TAFA1: variants seen among roughly 807,000 people sequenced by gnomAD.
TAFA1 encodes the protein chemokine-like protein TAFA-1.
TAFA1 carries 4 observed loss-of-function variants against 18.5 expected under a neutral mutation model. That is an observed-to-expected ratio of 0.22 (90% CI 0.11 to 0.49). TAFA1 has a LOEUF of 0.49. Among genes scored for constraint, TAFA1 ranks in the 20% least tolerant of loss-of-function variants. The pLI, the probability that TAFA1 is intolerant of heterozygous loss-of-function variation, is 0.98. For missense variants in TAFA1, 147 were observed against 169.0 expected, an observed-to-expected ratio of 0.87 and a Z score of 0.72; for synonymous variants, 56 against 55.2, an observed-to-expected ratio of 1.01 and a Z score of -0.06.
intron 3 of TAFA1, among the ~76,000 whole-genome samples, chr3:68,431,761 A>G (rs1195830116): frequency 6.6e-6 from 1 of 152,008 alleles, no homozygotes; most frequent in East Asian, 1.9e-4. Context: ...TGAGTCGCAG[A>G]CAAAACTCCT....
upstream of TAFA1, among the ~76,000 whole-genome samples, chr3:68,000,486 A>G (rs1471840451): frequency 6.6e-6 from 1 of 152,232 alleles, no homozygotes; most frequent in African/African-American, 2.4e-5. Flanking sequence ...AGAGCCTAGT[A>G]GAAGCCAAGA....
In TAFA1 at chr3:68,080,398, C is replaced by A. The variant is rs138628535; in HGVS notation, c.118+73654C>A. Among the ~76,000 whole-genome samples the A allele has an allele frequency of 4.1e-3, 629 of 152,010 alleles. 17 individuals carry two copies. In the East Asian group the frequency reaches 0.059, roughly 14 times the overall value. The stretch of plus-strand genomic sequence containing the variant: ...TTTTGCTCGTTAGTTGATGCAGTTT[C>A]TTCCTAGTCTCGATGGTCTTTACAT... On this transcript the variant is annotated intron_variant, in intron 2 of 4. Coordinates refer to ENST00000478136, the MANE Select transcript of TAFA1 (RefSeq NM_213609.4).
At chr3:68,265,500 A>G (rs530233861) in intron 2 of TAFA1, among the ~76,000 whole-genome samples, 83 of 152,224 alleles carry the variant, frequency 5.5e-4, no homozygotes, top group Non-Finnish European at 9.6e-4. Flanking sequence ...CACACTTGAC[A>G]TTCCTGGTGG....
the TAFA1 span, among the ~76,000 whole-genome samples, chr3:67,991,882 T>C: frequency 6.6e-6 from 1 of 152,346 alleles, no homozygotes; most frequent in East Asian, 1.9e-4. Flanking sequence ...ATCATCTATC[T>C]ATATCTATAA....
chr3:68,193,140 A>T (rs1269650748), intron 2 of TAFA1, among the ~76,000 whole-genome samples: 1 of 151,738 alleles, frequency 6.6e-6, no homozygotes, highest in African/African-American at 2.4e-5. Context: ...TTCCTAAATA[A>T]AAAATAAGCT....
intron 2 of TAFA1, among the ~76,000 whole-genome samples, chr3:68,304,466 A>G (rs79774228): frequency 4.7e-4 from 71 of 152,232 alleles, no homozygotes; most frequent in African/African-American, 1.5e-3. Context: ...GAGGGGTGTG[A>G]TTTGAATCTG....
In TAFA1 at chr3:68,273,658, C is replaced by G. The variant is rs567434215; in HGVS notation, c.119-143622C>G. Among the ~76,000 whole-genome samples the G allele has an allele frequency of 1.6e-4, 25 of 152,208 alleles. 1 individual carries two copies. In the South Asian group the frequency reaches 5.0e-3, roughly 30 times the overall value. ...ATAGAAATTGTGATTTGAAACCACT[C>G]TTGCTTCTGTAAATAAACAAGAGAA... is the stretch of plus-strand genomic sequence containing the variant. On this transcript the variant is annotated intron_variant, in intron 2 of 4. Coordinates refer to ENST00000478136, the MANE Select transcript of TAFA1 (RefSeq NM_213609.4).
At chr3:68,066,547 T>C (rs2064680528) in intron 2 of TAFA1, among the ~76,000 whole-genome samples, 1 of 152,102 alleles carries the variant, frequency 6.6e-6, no homozygotes, top group South Asian at 2.1e-4. Context: ...TTCTGGAAAA[T>C]ATAAAATAAT....
In TAFA1 at chr3:68,498,722, CTTTTTTTTTTTTTTT is replaced by C. The variant is rs34030223; in HGVS notation, c.260-40013_260-39999del. Among the ~76,000 whole-genome samples the C allele has an allele frequency of 7.1e-3, 686 of 97,060 alleles. 12 individuals carry two copies. The highest frequency in any genetic ancestry group is 0.017 in the East Asian group (59 of 3,374). The allele number at this position is 97,060 out of a possible 152,430, so 63.7% of individuals were successfully genotyped here. A position where few individuals can be genotyped will look rare whatever the true frequency, so the allele number is the denominator to read the frequency against. ...AATTCCTCCCAAAGCCGTTTGGTGG[CTTTTTTTTTTTTTTT>C]TTTTTTTTTTTTTTTTTTTTGAGAG... On this transcript the variant is annotated intron_variant, in intron 3 of 4. Coordinates refer to ENST00000478136, the MANE Select transcript of TAFA1 (RefSeq NM_213609.4).
the TAFA1 span, among the ~76,000 whole-genome samples, chr3:67,994,979 T>C: frequency 6.6e-6 from 1 of 151,958 alleles, no homozygotes. Flanking sequence ...GAAGCAACCA[T>C]GAAATCTACC....
chr3:68,042,033 T>TA (rs1225320936), intron 2 of TAFA1, among the ~76,000 whole-genome samples: 3 of 152,132 alleles, frequency 2.0e-5, no homozygotes, highest in Non-Finnish European at 2.9e-5. Context: ...TTTTAAAATA[T>TA]AAAAAAATCC....
intron 3 of TAFA1, among the ~76,000 whole-genome samples, chr3:68,448,295 A>C (rs2071506369): frequency 6.6e-6 from 1 of 152,236 alleles, no homozygotes; most frequent in South Asian, 2.1e-4. Context: ...AATTATATTG[A>C]AATCTGATTT....
At chr3:68,460,116 G>T (rs2071747479) in intron 3 of TAFA1, among the ~76,000 whole-genome samples, 1 of 151,834 alleles carries the variant, frequency 6.6e-6, no homozygotes, top group Admixed American at 6.6e-5. Context: ...GAAAAATGAG[G>T]CTTTAAAAAA....
At chr3:68,245,008 A>T (rs934675523) in intron 2 of TAFA1, among the ~76,000 whole-genome samples, 1 of 152,224 alleles carries the variant, frequency 6.6e-6, no homozygotes, top group African/African-American at 2.4e-5. Context: ...GAAGCTCAGA[A>T]TTAAGGCTTT....
chr3:68,514,587 A>C (rs923846503), intron 3 of TAFA1, among the ~76,000 whole-genome samples: 1 of 152,054 alleles, frequency 6.6e-6, no homozygotes, highest in East Asian at 1.9e-4. Flanking sequence ...AGACATCACT[A>C]TCTCTCTCTC....
At chr3:68,244,836 G>T (rs776915955) in intron 2 of TAFA1, among the ~76,000 whole-genome samples, 2 of 152,148 alleles carry the variant, frequency 1.3e-5, no homozygotes, top group Non-Finnish European at 2.9e-5. Context: ...TGCGTGCAGG[G>T]TATTGTTATT....
intron 2 of TAFA1, among the ~76,000 whole-genome samples, chr3:68,291,788 A>T (rs2068114499): frequency 6.6e-6 from 1 of 152,208 alleles, no homozygotes; most frequent in Non-Finnish European, 1.5e-5. Context: ...TGCTAGACTG[A>T]ATACTCCCTT....
intron 3 of TAFA1, chr3:68,417,625 T>C: frequency 1.8e-6 from 1 of 569,464 alleles, no homozygotes; most frequent in Non-Finnish European, 3.0e-6. Context: ...AAAAAATAGA[T>C]GTTGAAATTT....
intron 2 of TAFA1, among the ~76,000 whole-genome samples, chr3:68,251,822 T>C (rs536589289): frequency 6.6e-6 from 1 of 152,326 alleles, no homozygotes; most frequent in South Asian, 2.1e-4. Context: ...ACTGGGTTTC[T>C]TTCTTTTGAT....
Sources: gnomAD v4.1 joint callset for allele counts (sites outside exome capture counted in the v4.1 genomes callset) on GRCh38, gnomAD v4.1.1 for gene constraint, MANE v1.5 for transcripts, NCBI Gene and HGNC (gene_info 2026-07-23, HGNC 2026-07-21) for gene names.